The following PLA2G7 variants were observed in gnomAD, a reference collection of about 807,000 sequenced individuals.
PLA2G7 encodes the protein platelet-activating factor acetylhydrolase.
Under a neutral mutation model 49.6 loss-of-function variants are expected in PLA2G7, and 63 were observed. The observed-to-expected ratio is 1.27, with a 90% CI of 1.04 to 1.57. PLA2G7 has a LOEUF of 1.57. Ranked by LOEUF, PLA2G7 falls within the 40% of genes most tolerant of loss-of-function variation. The pLI is 0.00. For synonymous variants in PLA2G7, 193 were observed against 169.9 expected (o/e 1.14, Z -1.06); for missense variants, 596 against 521.2 (o/e 1.14, Z -1.40).
chr6:46,728,188 G>A (rs541476097), intron 1 of PLA2G7, among the ~76,000 whole-genome samples: 1 of 152,278 alleles, frequency 6.6e-6, no homozygotes, highest in East Asian at 1.9e-4. Context: ...TTTACAATAG[G>A]ATGAAGGCTG....
Position 46,714,347 on chromosome 6 carries a change from A to C in PLA2G7, c.470+113T>G, listed in dbSNP as rs998377166. ...CACAGCCAATTATTGAGGAAACCCA[A>C]CTCCTCCAGACAAGGGCCTGCATGA... On this transcript the variant is annotated intron_variant, in intron 5 of 11. Coordinates refer to ENST00000274793, the MANE Select transcript of PLA2G7 (RefSeq NM_005084.4). 3.8e-6 allele frequency: 3 copies of C among 786,038 alleles called. No individual in the cohort carries two copies. The African/African-American group carries it at 5.1e-5, about 13-fold the overall frequency. 48.7% of individuals were successfully genotyped at this position (786,038 alleles called of 1,614,324 possible). A position where few individuals can be genotyped will look rare whatever the true frequency, so the allele number is the denominator to read the frequency against.
intron 1 of PLA2G7, among the ~76,000 whole-genome samples, chr6:46,727,588 T>C (rs1765612261): frequency 6.6e-6 from 1 of 152,184 alleles, no homozygotes; most frequent in Non-Finnish European, 1.5e-5. Flanking sequence ...TAATGTTCCA[T>C]GGCAAAAAAG....
At position 46,704,468 on chromosome 6, in the gene PLA2G7, TCTCTCTCTCTCACACACACACACA is replaced by T. The variant is rs1162690390; in HGVS notation, c.*68_*91del. 4 of 423,172 alleles carry T rather than the reference TCTCTCTCTCTCACACACACACACA, an allele frequency of 9.5e-6. No individual in the cohort carries two copies. The highest frequency in any genetic ancestry group is 2.6e-5 in the South Asian group (1 of 38,758). 26.2% of individuals were successfully genotyped at this position (423,172 alleles called of 1,614,324 possible). ...CTCTCTCTCTCTCTCTCTCTCTCTCTCTCTCTCTCTCACACACACACACACACACACACACACACACATAATTTT... is the reference window on the plus strand; with the variant it reads ...CTCTCTCTCTCTCTCTCTCTCTCTCTCACACACACACACACACATAATTTT... On this transcript the variant is annotated 3_prime_UTR_variant, in exon 12 of 12. Transcript: ENST00000274793.
chr6:46,734,048 G>A (rs1765813783), intron 1 of PLA2G7, among the ~76,000 whole-genome samples: 1 of 152,092 alleles, frequency 6.6e-6, no homozygotes, highest in African/African-American at 2.4e-5. Flanking sequence ...AGAACCACAG[G>A]CATGAATAAA....
At chr6:46,720,114 C>A (rs1765347966) in intron 2 of PLA2G7, among the ~76,000 whole-genome samples, 1 of 152,242 alleles carries the variant, frequency 6.6e-6, no homozygotes, top group African/African-American at 2.4e-5. Context: ...CTACTGCAAC[C>A]CCACCCCTAG....
At position 46,712,299 on chromosome 6, in the gene PLA2G7, T is replaced by A; in HGVS notation, c.509A>T (p.His170Leu). The change falls in exon 6 of 12, where the codon CAT (histidine) becomes CTT (leucine). Residue 170 changes from histidine (H) to leucine (L), a missense_variant. Physicochemically the swap from His to Leu is moderately conservative, Grantham distance 99. Coordinates refer to ENST00000274793, the MANE Select transcript of PLA2G7 (RefSeq NM_005084.4). ...TTCTACAGCAGCAACTATAAACCCA[T>A]GAGATGCCAGGTCAATGCCAATAGC... is the stretch of plus-strand genomic sequence containing the variant. ...YSAIGIDLASHGFIVAAVEHR... is the reference protein window; with the variant it reads ...YSAIGIDLASLGFIVAAVEHR... 6.2e-7 allele frequency: 1 copy of A among 1,608,128 alleles called. No individual in the cohort carries two copies. The highest frequency in any genetic ancestry group is 8.5e-7 in the Non-Finnish European group (1 of 1,175,148).
chr6:46,709,154 G>A (rs773096206), intron 9 of PLA2G7, among the ~76,000 whole-genome samples, 173 bp downstream of exon 9: 1 of 152,120 alleles, frequency 6.6e-6, no homozygotes, highest in Non-Finnish European at 1.5e-5. Flanking sequence ...AGGAGAGGTA[G>A]ATGTTTTAGC....
intron 8 of PLA2G7, 27 bp downstream of exon 8, chr6:46,710,518 A>G: frequency 7.5e-7 from 1 of 1,332,774 alleles, no homozygotes; most frequent in Non-Finnish European, 1.1e-6. Context: ...CTGTAGGACA[A>G]GAGAAAAATT....
At chr6:46,716,318 T>G in intron 4 of PLA2G7, 66 bp downstream of exon 4, 2 of 1,535,720 alleles carry the variant, frequency 1.3e-6, no homozygotes, top group East Asian at 2.2e-5. Context: ...CTACTTGAAG[T>G]TCTTGTTGTT....
chr6:46,732,724 T>C (rs1461085777), intron 1 of PLA2G7, among the ~76,000 whole-genome samples: 1 of 152,194 alleles, frequency 6.6e-6, no homozygotes, highest in East Asian at 1.9e-4. Flanking sequence ...TATTAGCCTG[T>C]TTCTGTTAGT....
chr6:46,717,268 G>A (rs148860994), intron 2 of PLA2G7, among the ~76,000 whole-genome samples, 172 bp from the exon 3 acceptor site: 75 of 152,292 alleles, frequency 4.9e-4, no homozygotes, highest in Middle Eastern at 3.4e-3. Context: ...TTGAAACACT[G>A]TGTAGGGGTT....
chr6:46,707,424 A>G (rs1012978866), intron 10 of PLA2G7, among the ~76,000 whole-genome samples: 15 of 152,192 alleles, frequency 9.9e-5, no homozygotes, highest in African/African-American at 3.6e-4. Context: ...CCCCAGTGTC[A>G]GAGGCAGGGA....
intron 5 of PLA2G7, among the ~76,000 whole-genome samples, chr6:46,713,392 C>T (rs1380502987): frequency 6.6e-6 from 1 of 152,206 alleles, no homozygotes. Flanking sequence ...TTTGTCACCA[C>T]TACTGAACTC....
In PLA2G7 at chr6:46,705,165, G is replaced by C; in HGVS notation, c.1177C>G (p.Gln393Glu). 1 of 1,608,216 alleles carries C rather than the reference G, an allele frequency of 6.2e-7. No individual in the cohort carries two copies. Among genetic ancestry groups the C allele is most frequent in the Non-Finnish European group, 8.5e-7 (1 of 1,175,014 alleles). Reference protein sequence around the residue: ...LSNKASLAFLQKHLGLHKDFD... With the variant: ...LSNKASLAFLEKHLGLHKDFD... ...AATAGTTTCTTACCTAAATGCTTTT[G>C]TAAGAATGCTAATGAAGCTTTGTTG... Residue 393 changes from glutamine (Q) to glutamate (E), a missense_variant, in exon 11 of 12, where the codon CAA becomes GAA. Transcript: ENST00000274793.
In PLA2G7 at chr6:46,704,478, TCA is replaced by T. The variant is rs367858800; in HGVS notation, c.*80_*81del. On this transcript the variant is annotated 3_prime_UTR_variant, in exon 12 of 12. Transcript: ENST00000274793. ...CTCTCTCTCTCTCTCTCTCTCTCTCTCACACACACACACACACACACACACAC... is the reference window on the plus strand; with the variant it reads ...CTCTCTCTCTCTCTCTCTCTCTCTCTCACACACACACACACACACACACAC... 1,872 of 87,340 alleles carry T rather than the reference TCA, an allele frequency of 0.021. 48 individuals are homozygous for T. Among genetic ancestry groups the T allele is most frequent in the Admixed American group, 0.039 (333 of 8,432 alleles). 5.4% of individuals were successfully genotyped at this position (87,340 alleles called of 1,614,324 possible).
chr6:46,731,928 T>C (rs1765746653), intron 1 of PLA2G7, among the ~76,000 whole-genome samples: 1 of 152,128 alleles, frequency 6.6e-6, no homozygotes, highest in Admixed American at 6.5e-5. Context: ...ATCAGTAAAC[T>C]CGCTTCTGGC....
Position 46,705,313 on chromosome 6 carries a change from C to G in PLA2G7, c.1041-12G>C, listed in dbSNP as rs200121866. 11 of 1,607,014 alleles carry G rather than the reference C, an allele frequency of 6.8e-6. No homozygotes were observed. Among genetic ancestry groups the G allele is most frequent in the Non-Finnish European group, 9.4e-6 (11 of 1,174,262 alleles). ...GGTGGACTGAACCCCTAAAAGAGAA[C>G]AAGACATTTAAAAGTCACATTGTTT... On this transcript the variant is annotated splice_polypyrimidine_tract_variant and intron_variant, in intron 10 of 11. Coordinates refer to ENST00000274793, the MANE Select transcript of PLA2G7 (RefSeq NM_005084.4).
intron 2 of PLA2G7, among the ~76,000 whole-genome samples, chr6:46,718,936 G>A (rs541065615): frequency 6.6e-6 from 1 of 152,288 alleles, no homozygotes; most frequent in South Asian, 2.1e-4. Context: ...ATGGCCACTG[G>A]TCTCTCTTGT....
At chr6:46,720,625 GA>G (rs1166401559) in intron 2 of PLA2G7, among the ~76,000 whole-genome samples, 2 of 152,216 alleles carry the variant, frequency 1.3e-5, no homozygotes, top group Non-Finnish European at 2.9e-5. Context: ...CATCATTAAG[GA>G]AGTGGAAGGA....
Sources: gnomAD v4.1 joint callset for allele counts (sites outside exome capture counted in the v4.1 genomes callset) on GRCh38, gnomAD v4.1.1 for gene constraint, MANE v1.5 for transcripts, NCBI Gene and HGNC (gene_info 2026-07-23, HGNC 2026-07-21) for gene names.